The following CDH4 variants were observed in gnomAD, a reference collection of about 807,000 sequenced individuals.
CDH4 encodes cadherin 4.
Under a neutral mutation model 86.0 loss-of-function variants are expected in CDH4, and 33 were observed. The ratio of observed to expected loss-of-function variants is 0.38; its 90% CI spans 0.29 to 0.51. CDH4 has a LOEUF of 0.51. Ranked by LOEUF, CDH4 falls within the 20% of genes least tolerant of loss-of-function variation. CDH4 has a pLI of 0.86. For synonymous variants in CDH4, 555 were observed against 549.4 expected (o/e 1.01, Z -0.14); for missense variants, 1,114 against 1,307.4 (o/e 0.85, Z 2.28).
intron 2 of CDH4, among the ~76,000 whole-genome samples, chr20:61,383,450 CATATATATGAAG>C (rs1469680895): frequency 9.5e-5 from 1 of 10,572 alleles, no homozygotes; most frequent in African/African-American, 3.6e-4. Context: ...AATATATATT[CATATATATGAAG>C]ATATATATGA....
intron 2 of CDH4, among the ~76,000 whole-genome samples, chr20:61,505,396 G>C (rs1600717450): frequency 6.6e-6 from 1 of 152,286 alleles, no homozygotes; most frequent in South Asian, 2.1e-4. Flanking sequence ...CAATCAATGG[G>C]AGCATAGTGT....
chr20:61,861,945 C>T (rs1001807455), intron 6 of CDH4, among the ~76,000 whole-genome samples: 10 of 152,200 alleles, frequency 6.6e-5, no homozygotes, highest in Non-Finnish European at 1.3e-4. Flanking sequence ...GATACATCCG[C>T]TCCTCAAGGT....
intron 2 of CDH4, among the ~76,000 whole-genome samples, chr20:61,558,161 G>T (rs906189817): frequency 1.3e-5 from 2 of 152,164 alleles, no homozygotes; most frequent in Non-Finnish European, 2.9e-5. Flanking sequence ...TAATGAAGGG[G>T]TATGTCTTTC....
chr20:61,701,228 C>T (rs776587351), intron 2 of CDH4, among the ~76,000 whole-genome samples: 19 of 152,232 alleles, frequency 1.2e-4, no homozygotes, highest in Non-Finnish European at 1.8e-4. Context: ...GATTGGGACC[C>T]ACCTTACTCC....
intron 4 of CDH4, among the ~76,000 whole-genome samples, chr20:61,842,143 G>A (rs889998739): frequency 6.6e-6 from 1 of 152,206 alleles, no homozygotes; most frequent in Non-Finnish European, 1.5e-5. Flanking sequence ...CTCTCTGAAG[G>A]CTAGCCTATG....
intron 2 of CDH4, among the ~76,000 whole-genome samples, chr20:61,632,471 ACG>A (rs1389805219): frequency 1.3e-5 from 2 of 152,098 alleles, no homozygotes; most frequent in Non-Finnish European, 2.9e-5. Context: ...AGCATCGTTA[ACG>A]CCGGGCCTCC....
At chr20:61,739,527 G>T (rs1470262388) in intron 2 of CDH4, among the ~76,000 whole-genome samples, 1 of 152,202 alleles carries the variant, frequency 6.6e-6, no homozygotes, top group Non-Finnish European at 1.5e-5. Flanking sequence ...AGGTTTCCAT[G>T]GGAGCCAACA....
intron 3 of CDH4, among the ~76,000 whole-genome samples, chr20:61,770,487 C>G (rs2088761107): frequency 6.6e-6 from 1 of 152,274 alleles, no homozygotes; most frequent in Admixed American, 6.5e-5. Flanking sequence ...TGTGGGCACC[C>G]TGCACTGGCC....
chr20:61,901,064 G>A (rs935930753), intron 8 of CDH4, among the ~76,000 whole-genome samples: 3 of 152,224 alleles, frequency 2.0e-5, no homozygotes, highest in Non-Finnish European at 4.4e-5. Flanking sequence ...CGGGTAAGAA[G>A]ATGGGTCAAC....
At chr20:61,296,014 G>C (rs1270474279) in intron 2 of CDH4, among the ~76,000 whole-genome samples, 1 of 152,166 alleles carries the variant, frequency 6.6e-6, no homozygotes, top group Admixed American at 6.5e-5. Context: ...TTTTCAGGAG[G>C]ACGGAGAAGG....
chr20:61,696,465 G>GCCAGCTGTGTACTGAGCA (rs1178792550), intron 2 of CDH4, among the ~76,000 whole-genome samples: 1 of 152,220 alleles, frequency 6.6e-6, no homozygotes, highest in Non-Finnish European at 1.5e-5. Flanking sequence ...CTGGCTGAGC[G>GCCAGCTGTGTACTGAGCA]CCAGCTGTGT....
At chr20:61,712,491 G>A (rs962400983) in intron 2 of CDH4, among the ~76,000 whole-genome samples, 4 of 152,114 alleles carry the variant, frequency 2.6e-5, no homozygotes, top group East Asian at 1.9e-4. Context: ...GAAGCAGGGC[G>A]GAAGGTGCAT....
intron 2 of CDH4, among the ~76,000 whole-genome samples, chr20:61,305,149 G>T (rs141492982): frequency 6.6e-6 from 1 of 151,974 alleles, no homozygotes; most frequent in Non-Finnish European, 1.5e-5. Flanking sequence ...ATTTTTCAGC[G>T]TCATCTCTGA....
intron 2 of CDH4, among the ~76,000 whole-genome samples, chr20:61,414,175 T>G (rs1413533829): frequency 1.3e-5 from 2 of 152,236 alleles, no homozygotes; most frequent in Non-Finnish European, 2.9e-5. Context: ...TGCTGGGGGT[T>G]AAGACTCAGC....
intron 2 of CDH4, among the ~76,000 whole-genome samples, chr20:61,533,090 A>G (rs959181068): frequency 6.6e-6 from 1 of 151,896 alleles, no homozygotes; most frequent in Non-Finnish European, 1.5e-5. Flanking sequence ...CCTGAGAGGG[A>G]CCCTGAGAGT....
intron 2 of CDH4, among the ~76,000 whole-genome samples, chr20:61,624,247 C>T (rs2086807515): frequency 1.3e-5 from 2 of 152,208 alleles, no homozygotes; most frequent in South Asian, 4.1e-4. Flanking sequence ...TACTAGCAGT[C>T]GCTAAGTGGC....
At chr20:61,331,712 C>T (rs2084580510) in intron 2 of CDH4, among the ~76,000 whole-genome samples, 1 of 150,278 alleles carries the variant, frequency 6.7e-6, no homozygotes, top group Non-Finnish European at 1.5e-5. Flanking sequence ...CACCTCCTGC[C>T]CCGACCACCT....
At chr20:61,315,871 T>C (rs112726120) in intron 2 of CDH4, among the ~76,000 whole-genome samples, 3,152 of 152,198 alleles carry the variant, frequency 0.021, 93 homozygotes, top group East Asian at 0.13. Context: ...GTCCAGCTAA[T>C]TTTTTGTTTT....
At chr20:61,542,606 T>G (rs1600742566) in intron 2 of CDH4, among the ~76,000 whole-genome samples, 1 of 152,330 alleles carries the variant, frequency 6.6e-6, no homozygotes, top group South Asian at 2.1e-4. Context: ...TTGGGGAATT[T>G]TTTTAAGTTA....
Sources: gnomAD v4.1 joint callset for allele counts (sites outside exome capture counted in the v4.1 genomes callset) on GRCh38, gnomAD v4.1.1 for gene constraint, MANE v1.5 for transcripts, NCBI Gene and HGNC (gene_info 2026-07-23, HGNC 2026-07-21) for gene names.